Variants in SYNE1 observed in about 807,000 individuals in gnomAD.
SYNE1 encodes spectrin repeat containing nuclear envelope protein 1, also known as nesprin-1.
Under a neutral mutation model 1,111.0 loss-of-function variants are expected in SYNE1, and 616 were observed. The observed-to-expected ratio is 0.55, with a 90% CI of 0.52 to 0.59. The LOEUF is 0.59. SYNE1 is among the 20% of genes least tolerant of loss of function. SYNE1 has a pLI of 0.00. For synonymous variants in SYNE1, 3,855 were observed against 3,825.8 expected (o/e 1.01, Z -0.28); for missense variants, 10,006 against 10,417.0 (o/e 0.96, Z 1.72).
At position 152,352,076 on chromosome 6, in the gene SYNE1, TC is replaced by T; in HGVS notation, c.11530del (p.Glu3844AsnfsTer30). 1 of 1,614,240 alleles carries T rather than the reference TC, an allele frequency of 6.2e-7. No homozygotes were observed. Among genetic ancestry groups the T allele is most frequent in the Non-Finnish European group, 8.5e-7 (1 of 1,180,046 alleles). ...EYQEILHVPE[E>X]PKMELYEKKA... ...TTTCTCATATAATTCCATTTTGGGTTCTTCAGGAACATGTAGAATTTCCTGG... is the reference window on the plus strand; with the variant it reads ...TTTCTCATATAATTCCATTTTGGGTTTTCAGGAACATGTAGAATTTCCTGG... On this transcript the variant is annotated frameshift_variant, in exon 70 of 146. Coordinates refer to ENST00000367255, the MANE Select transcript of SYNE1 (RefSeq NM_182961.4). LOFTEE classifies it high-confidence loss of function.
rs1455636393 is a variant in SYNE1 at position 152,628,482 on chromosome 6, G to A, written c.-151C>T. ...CTTTGCAGCACTCAACAAGGAGGCA[G>A]CTCTCCCAAAGACTGAACTGCTTCT... On this transcript the variant is annotated 5_prime_UTR_variant, in exon 3 of 146. Coordinates refer to ENST00000367255, the MANE Select transcript of SYNE1 (RefSeq NM_182961.4). 1.3e-6 allele frequency: 1 copy of A among 762,262 alleles called. No homozygotes were observed. Among genetic ancestry groups the A allele is most frequent in the Non-Finnish European group, 2.3e-6 (1 of 436,430 alleles). 47.2% of individuals were successfully genotyped at this position (762,262 alleles called of 1,614,324 possible).
rs2080057820 is a variant in SYNE1 at position 152,221,025 on chromosome 6, C to G, written c.21678G>C (p.Glu7226Asp). The change falls in exon 119 of 146, where the codon GAG becomes GAC. Residue 7226 changes from glutamate to aspartate, a missense_variant. Physicochemically the swap from Glu to Asp is conservative, Grantham distance 45. Around this residue, in one of 7 missense-constraint regions of SYNE1, gnomAD observed 2,182 missense variants for 2,287.8 expected, o/e 0.95. Coordinates refer to ENST00000367255, the MANE Select transcript of SYNE1 (RefSeq NM_182961.4). ...VNMRWNNLLEEIAEQLQSSKA... is the reference protein window; with the variant it reads ...VNMRWNNLLEDIAEQLQSSKA... ...TGCTGGACTGTAGCTGCTCAGCAATCTCTTCCAGCAAGTTATTCCATCTGG... is the reference window on the plus strand; with the variant it reads ...TGCTGGACTGTAGCTGCTCAGCAATGTCTTCCAGCAAGTTATTCCATCTGG... 1 of 1,614,110 alleles carries G rather than the reference C, an allele frequency of 6.2e-7. No homozygotes were observed. The highest frequency in any genetic ancestry group is 1.3e-5 in the African/African-American group (1 of 75,050).
At chr6:152,534,178 G>T (rs200033060) in intron 4 of SYNE1, among the ~76,000 whole-genome samples, 1 of 120,984 alleles carries the variant, frequency 8.3e-6, no homozygotes, top group Non-Finnish European at 1.7e-5. Flanking sequence ...ATAAATGAAT[G>T]AATGAATGAA....
chr6:152,310,133 A>G (rs1562961282), intron 89 of SYNE1, 116 bp from the exon 90 acceptor site: 22 of 1,303,066 alleles, frequency 1.7e-5, no homozygotes, highest in Non-Finnish European at 2.3e-5. Context: ...AAAAAAAAAA[A>G]ATGTTTAAAA....
chr6:152,407,043 T>C lies in SYNE1; in HGVS notation c.6694A>G (p.Arg2232Gly), dbSNP rs1554641054. ...AATTCTTTAAGCAGTTCTTCAGCTCTGAGGTGGTTATCCAGGTTGCTGATG... is the reference window on the plus strand; with the variant it reads ...AATTCTTTAAGCAGTTCTTCAGCTCCGAGGTGGTTATCCAGGTTGCTGATG... ...ENISNLDNHL[R>G]AEELLKEFES... The change falls in exon 45 of 146, where the codon AGA becomes GGA. Residue 2232 changes from arginine (R) to glycine (G), a missense_variant. By Grantham distance (125) the Arg-to-Gly change is moderately radical. Coordinates refer to ENST00000367255, the MANE Select transcript of SYNE1 (RefSeq NM_182961.4). 1 of 1,614,000 alleles carries C rather than the reference T, an allele frequency of 6.2e-7. No individual in the cohort carries two copies. Among genetic ancestry groups the C allele is most frequent in the Admixed American group, 1.7e-5 (1 of 60,014 alleles).
At chr6:152,176,014 A>ATTT (rs3215782) in intron 130 of SYNE1, among the ~76,000 whole-genome samples, 45 of 142,596 alleles carry the variant, frequency 3.2e-4, no homozygotes, top group Non-Finnish European at 6.2e-4. Flanking sequence ...AGATTTAGTA[A>ATTT]TTTTTTTTTT....
intron 39 of SYNE1, among the ~76,000 whole-genome samples, chr6:152,420,712 T>C (rs1426195009): frequency 6.6e-6 from 1 of 152,220 alleles, no homozygotes; most frequent in Non-Finnish European, 1.5e-5. Context: ...TACATAGGAC[T>C]GAACTAACAG....
At position 152,354,737 on chromosome 6, in the gene SYNE1, T is replaced by C; in HGVS notation, c.10848A>G (p.Thr3616=). 6.2e-7 allele frequency: 1 copy of C among 1,614,246 alleles called. No homozygotes were observed. The highest frequency in any genetic ancestry group is 1.1e-5 in the South Asian group (1 of 91,092). The change falls in exon 67 of 146, where the codon ACA becomes ACG. Residue 3616 remains threonine (T), a synonymous_variant. Coordinates refer to ENST00000367255, the MANE Select transcript of SYNE1 (RefSeq NM_182961.4). ...KFQQVDEWLK[T]AEEKVSPRTR... is the part of the protein sequence containing the mutation. Reference sequence around the variant, plus strand: ...TCCTGGGACTAACTTTCTCCTCTGCTGTTTTGAGCCATTCATCTACTTGCT... The same window carrying C: ...TCCTGGGACTAACTTTCTCCTCTGCCGTTTTGAGCCATTCATCTACTTGCT...
chr6:152,346,279 G>C (rs1225933675), intron 73 of SYNE1, among the ~76,000 whole-genome samples: 1 of 152,020 alleles, frequency 6.6e-6, no homozygotes, highest in Non-Finnish European at 1.5e-5. Flanking sequence ...CGATTCTGCT[G>C]CCTCAGCCTC....
intron 3 of SYNE1, among the ~76,000 whole-genome samples, chr6:152,603,355 C>T (rs959394733): frequency 2.0e-4 from 31 of 152,164 alleles, no homozygotes; most frequent in African/African-American, 7.5e-4. Flanking sequence ...TTGGCTTTAA[C>T]ATATCACAGG....
chr6:152,241,604 C>T (rs1588542871), intron 107 of SYNE1, among the ~76,000 whole-genome samples: 1 of 150,816 alleles, frequency 6.6e-6, no homozygotes, highest in East Asian at 1.9e-4. Flanking sequence ...GGAGTGATTT[C>T]GGGCCTCCCA....
At position 152,184,307 on chromosome 6, in the gene SYNE1, G is replaced by C. The variant is rs369837666; in HGVS notation, c.23302-4013C>G. ...ACAAAATTAGCAGGGCATGGTGGCA[G>C]GTGCCTGTAATCCCAGCTACTTGGG... On this transcript the variant is annotated intron_variant, in intron 128 of 145. Transcript: ENST00000367255. Among the ~76,000 whole-genome samples, 24 of 152,118 alleles carry C rather than the reference G, an allele frequency of 1.6e-4. 2 individuals carry two copies. Among genetic ancestry groups the C allele is most frequent in the Admixed American group, 1.1e-3 (17 of 15,284 alleles).
chr6:152,368,952 C>T lies in SYNE1; in HGVS notation c.9807+20G>A. 2 of 1,614,114 alleles carry T rather than the reference C, an allele frequency of 1.2e-6. No homozygotes were observed. Among genetic ancestry groups the T allele is most frequent in the South Asian group, 1.1e-5 (1 of 91,070 alleles). On this transcript the variant is annotated intron_variant, in intron 61 of 145. Transcript: ENST00000367255. ...GCGACATCAGTATCACACTCACACACAGCACGTGCCAGGCGTTACCTTTGT... is the reference window on the plus strand; with the variant it reads ...GCGACATCAGTATCACACTCACACATAGCACGTGCCAGGCGTTACCTTTGT...
Position 152,302,386 on chromosome 6 carries a change from A to C in SYNE1, c.17347-323T>G, listed in dbSNP as rs1252327841. On this transcript the variant is annotated intron_variant, in intron 91 of 145. Transcript: ENST00000367255. ...AATCATGAACTTCCGCAACATTAGGAACTGACAACTCTCTTTAAAAGCAGA... is the reference window on the plus strand; with the variant it reads ...AATCATGAACTTCCGCAACATTAGGCACTGACAACTCTCTTTAAAAGCAGA... 12 of 450,140 alleles carry C rather than the reference A, an allele frequency of 2.7e-5. No homozygotes were observed. In the East Asian group the frequency reaches 4.6e-4, roughly 17 times the overall value. 27.9% of individuals were successfully genotyped at this position (450,140 alleles called of 1,614,324 possible). A position where few individuals can be genotyped will look rare whatever the true frequency, so the allele number is the denominator to read the frequency against.
At chr6:152,605,002 AAGAAAG>A (rs1227389236) in intron 3 of SYNE1, among the ~76,000 whole-genome samples, 266 of 24,822 alleles carry the variant, frequency 0.011, no homozygotes, top group South Asian at 0.014. Flanking sequence ...GAAAGAAAGA[AAGAAAG>A]AGAGAGAGAG....
At chr6:152,201,378 T>A (rs945761774) in intron 127 of SYNE1, among the ~76,000 whole-genome samples, 1 of 152,166 alleles carries the variant, frequency 6.6e-6, no homozygotes, top group African/African-American at 2.4e-5. Flanking sequence ...GTCACTGAGA[T>A]AAGCTATTTT....
intron 108 of SYNE1, among the ~76,000 whole-genome samples, chr6:152,237,876 G>GGTCA (rs1489842106): frequency 5.9e-5 from 9 of 151,910 alleles, no homozygotes; most frequent in African/African-American, 1.9e-4. Context: ...TTACGCTGTG[G>GGTCA]GTCAGCAGTT....
rs142970203 is a variant in SYNE1 at position 152,168,223 on chromosome 6, A to T, written c.23628-3898T>A. 3.2e-3 allele frequency: 2,437 copies of T among 754,610 alleles called. 6 individuals carry two copies. The highest frequency in any genetic ancestry group is 4.4e-3 in the Non-Finnish European group (1,802 of 411,378). The allele number at this position is 754,610 out of a possible 1,614,324, so 46.7% of individuals were successfully genotyped here. A position where few individuals can be genotyped will look rare whatever the true frequency, so the allele number is the denominator to read the frequency against. ...CCACCATGAAGCTTCCACTTGCAAA[A>T]GTTAGACTCTGCAGAGCAAAAAGCT... is the stretch of plus-strand genomic sequence containing the variant. On this transcript the variant is annotated intron_variant, in intron 130 of 145. Transcript: ENST00000367255.
intron 101 of SYNE1, among the ~76,000 whole-genome samples, 161 bp from the exon 102 acceptor site, chr6:152,256,926 G>A (rs1211532992): frequency 6.6e-6 from 1 of 151,248 alleles, no homozygotes; most frequent in Non-Finnish European, 1.5e-5. Flanking sequence ...ACTGAACACA[G>A]TGGCCAGATG....
Sources: gnomAD v4.1 joint callset for allele counts (sites outside exome capture counted in the v4.1 genomes callset) on GRCh38, gnomAD v4.1.1 for gene constraint, gnomAD v4.1.1 regional missense constraint, MANE v1.5 for transcripts, NCBI Gene and HGNC (gene_info 2026-07-23, HGNC 2026-07-21) for gene names.